Variants in PRORP observed in about 807,000 individuals in gnomAD.
The protein encoded by PRORP is protein only RNase P catalytic subunit, also known as mitochondrial ribonuclease P catalytic subunit.
In PRORP, 51 loss-of-function variants were observed where a neutral mutation model predicts 59.4. The observed-to-expected ratio is 0.86, with a 90% confidence interval of 0.69 to 1.08. PRORP has a LOEUF of 1.08. Ranked by LOEUF, PRORP falls within the 50% of genes least tolerant of loss-of-function variation. The pLI is 0.00. For synonymous variants in PRORP, 231 were observed against 245.6 expected (o/e 0.94, Z 0.55); for missense variants, 646 against 690.3 (o/e 0.94, Z 0.72).
At chr14:35,220,665 T>C (rs2049749684) in intron 5 of PRORP, among the ~76,000 whole-genome samples, 1 of 152,246 alleles carries the variant, frequency 6.6e-6, no homozygotes, top group Admixed American at 6.5e-5. Context: ...GCCATTCAGA[T>C]GAAGACAACT....
chr14:35,194,304 CT>C (rs1371351332), intron 5 of PRORP, among the ~76,000 whole-genome samples: 1 of 152,076 alleles, frequency 6.6e-6, no homozygotes, highest in Non-Finnish European at 1.5e-5. Flanking sequence ...CAGTGATAGA[CT>C]GGATAAAGAA....
At chr14:35,187,821 G>A (rs922986941) in intron 5 of PRORP, among the ~76,000 whole-genome samples, 2 of 151,504 alleles carry the variant, frequency 1.3e-5, no homozygotes, top group African/African-American at 4.8e-5. Context: ...TATCTTCTTT[G>A]AAGAAATGTA....
chr14:35,137,522 C>T (rs1170727848), intron 4 of PRORP, among the ~76,000 whole-genome samples: 2 of 144,220 alleles, frequency 1.4e-5, no homozygotes, highest in African/African-American at 4.9e-5. Flanking sequence ...AAGTAGAGTA[C>T]TAGAGAGAGT....
chr14:35,192,711 G>A (rs1001272340), intron 5 of PRORP, among the ~76,000 whole-genome samples: 3 of 152,078 alleles, frequency 2.0e-5, no homozygotes, highest in Admixed American at 6.6e-5. Context: ...AGGAGGGGCC[G>A]GGCATGGTGG....
chr14:35,212,596 T>C (rs1209468829), intron 5 of PRORP, among the ~76,000 whole-genome samples: 1 of 152,224 alleles, frequency 6.6e-6, no homozygotes, highest in Non-Finnish European at 1.5e-5. Flanking sequence ...GGAATCTTTC[T>C]GAGCTCATTT....
At chr14:35,253,498 G>A (rs2050672202) in intron 5 of PRORP, among the ~76,000 whole-genome samples, 1 of 152,038 alleles carries the variant, frequency 6.6e-6, no homozygotes, top group African/African-American at 2.4e-5. Flanking sequence ...TTTTGAAGAG[G>A]CCACAACACT....
chr14:35,128,009 C>G (rs956302758), intron 4 of PRORP, among the ~76,000 whole-genome samples: 7 of 152,200 alleles, frequency 4.6e-5, no homozygotes, highest in Non-Finnish European at 1.0e-4. Context: ...TTCCAGAAAA[C>G]TATGTTCAAG....
chr14:35,198,806 G>T (rs1187276273), intron 5 of PRORP, among the ~76,000 whole-genome samples: 4 of 152,196 alleles, frequency 2.6e-5, no homozygotes, highest in Non-Finnish European at 5.9e-5. Context: ...GGCTGAGCGG[G>T]CAGATCACGA....
Position 35,128,149 on chromosome 14 carries a change from G to A in PRORP, c.1167+538G>A, listed in dbSNP as rs527421715. Among the ~76,000 whole-genome samples the A allele has an allele frequency of 9.9e-5, 15 of 152,216 alleles. No individual in the cohort carries two copies. The East Asian group carries it at 2.3e-3, about 23-fold the overall frequency. ...TTTGTGTATATTGAACCATCCTTAC[G>A]TCTCAGGGATAAATCTCACTTGGTG... On this transcript the variant is annotated intron_variant, in intron 4 of 7. Transcript: ENST00000534898.
At chr14:35,183,331 C>T (rs1249674101) in intron 5 of PRORP, among the ~76,000 whole-genome samples, 1 of 151,900 alleles carries the variant, frequency 6.6e-6, no homozygotes, top group Non-Finnish European at 1.5e-5. Flanking sequence ...GGTTTTTGTT[C>T]ACGTTTTTTG....
chr14:35,258,256 C>T (rs1594349555), intron 5 of PRORP, among the ~76,000 whole-genome samples: 1 of 152,038 alleles, frequency 6.6e-6, no homozygotes, highest in Non-Finnish European at 1.5e-5. Context: ...CCTCTCAAAG[C>T]ACTGGGATTA....
chr14:35,221,781 C>T (rs1165347756), intron 5 of PRORP, among the ~76,000 whole-genome samples: 5 of 152,194 alleles, frequency 3.3e-5, no homozygotes, highest in Non-Finnish European at 7.3e-5. Context: ...ACCATATTCT[C>T]TTCGTTTTTG....
At chr14:35,227,512 C>T (rs2049965864) in intron 5 of PRORP, among the ~76,000 whole-genome samples, 1 of 152,012 alleles carries the variant, frequency 6.6e-6, no homozygotes, top group Admixed American at 6.5e-5. Context: ...GCATGGAAAT[C>T]ATCTGTGCTT....
intron 5 of PRORP, among the ~76,000 whole-genome samples, chr14:35,238,337 G>A (rs1434108902): frequency 6.6e-6 from 1 of 152,132 alleles, no homozygotes; most frequent in Non-Finnish European, 1.5e-5. Flanking sequence ...CCCTCACTGG[G>A]TAGTTCTCTG....
chr14:35,255,138 G>GT (rs1254096545), intron 5 of PRORP, among the ~76,000 whole-genome samples: 3 of 151,816 alleles, frequency 2.0e-5, no homozygotes, highest in African/African-American at 4.8e-5. Flanking sequence ...TTGTTTTTTT[G>GT]TTTTTTTGAG....
intron 5 of PRORP, among the ~76,000 whole-genome samples, chr14:35,264,284 C>T (rs540481598): frequency 1.4e-4 from 22 of 152,072 alleles, no homozygotes; most frequent in African/African-American, 4.1e-4. Context: ...TGCATCACCA[C>T]GCCCAGCTAA....
At chr14:35,198,918 G>A (rs1333768388) in intron 5 of PRORP, among the ~76,000 whole-genome samples, 1 of 152,216 alleles carries the variant, frequency 6.6e-6, no homozygotes, top group African/African-American at 2.4e-5. Context: ...TGTAATCCCA[G>A]CACTTTGGGA....
upstream of PRORP, chr14:35,122,265 A>G: frequency 2.5e-6 from 1 of 392,984 alleles, no homozygotes; most frequent in Non-Finnish European, 4.8e-6. Flanking sequence ...GTTTTCCTTT[A>G]TCGTGTGCCT....
chr14:35,202,068 C>G (rs1330941637), intron 5 of PRORP, among the ~76,000 whole-genome samples: 1 of 151,126 alleles, frequency 6.6e-6, no homozygotes, highest in East Asian at 1.9e-4. Context: ...CTCCCAGGTT[C>G]ACGCCATTCT....
Sources: gnomAD v4.1 joint callset for allele counts (sites outside exome capture counted in the v4.1 genomes callset) on GRCh38, gnomAD v4.1.1 for gene constraint, MANE v1.5 for transcripts, NCBI Gene and HGNC (gene_info 2026-07-23, HGNC 2026-07-21) for gene names.